TENM2: variants seen among roughly 807,000 people sequenced by gnomAD.
TENM2 encodes teneurin transmembrane protein 2, also known as teneurin-2.
In TENM2, 52 loss-of-function variants were observed where a neutral mutation model predicts 245.2. The observed-to-expected ratio is 0.21, with a 90% CI of 0.17 to 0.27. The LOEUF (loss-of-function observed/expected upper bound fraction) is 0.27. TENM2 is among the 10% of genes least tolerant of loss of function. The probability of loss-of-function intolerance (pLI) is 1.00; values close to 1 mark genes in which losing one functional copy is unlikely to be tolerated. For missense variants in TENM2, 3,046 were observed against 3,666.8 expected (o/e 0.83, Z 4.37); for synonymous variants, 1,363 against 1,438.9 (o/e 0.95, Z 1.19).
exon 16 of TENM2, chr5:168,198,899 G>C (rs1761695246): frequency 6.2e-7 from 1 of 1,613,898 alleles, no homozygotes; most frequent in Non-Finnish European, 8.5e-7. Context: ...TCTACACTTT[G>C]AGCGAGCCCC....
intron 2 of TENM2, among the ~76,000 whole-genome samples, chr5:167,394,284 C>T (rs1162232536): frequency 6.6e-6 from 1 of 152,112 alleles, no homozygotes; most frequent in Non-Finnish European, 1.5e-5. Context: ...AATCATTTCA[C>T]ATTTATTTTT....
chr5:167,441,129 C>T (rs539657068), intron 2 of TENM2, among the ~76,000 whole-genome samples: 2 of 152,326 alleles, frequency 1.3e-5, no homozygotes, highest in East Asian at 3.9e-4. Context: ...CTTTCTAGGA[C>T]TGCTCTCATT....
chr5:167,667,051 A>G (rs1755624683), intron 2 of TENM2, among the ~76,000 whole-genome samples: 1 of 152,226 alleles, frequency 6.6e-6, no homozygotes. Flanking sequence ...CTCAAATATG[A>G]TGAACTTTTA....
chr5:167,869,597 T>C (rs1772634199), intron 2 of TENM2, among the ~76,000 whole-genome samples: 1 of 152,128 alleles, frequency 6.6e-6, no homozygotes, highest in Admixed American at 6.5e-5. Context: ...GTGAATGCGA[T>C]GAGATGGAGA....
At chr5:167,297,195 C>G (rs1318211777) in intron 1 of TENM2, among the ~76,000 whole-genome samples, 1 of 152,248 alleles carries the variant, frequency 6.6e-6, no homozygotes, top group African/African-American at 2.4e-5. Flanking sequence ...TAGAATCTCA[C>G]TTTTCACTCA....
chr5:167,768,398 T>A (rs1325524278), intron 2 of TENM2, among the ~76,000 whole-genome samples: 1 of 152,174 alleles, frequency 6.6e-6, no homozygotes, highest in Non-Finnish European at 1.5e-5. Flanking sequence ...CCTTGGAATT[T>A]AAAAAAATAA....
intron 2 of TENM2, among the ~76,000 whole-genome samples, chr5:167,410,281 C>T (rs960547256): frequency 1.3e-5 from 2 of 152,006 alleles, no homozygotes; most frequent in East Asian, 3.9e-4. Flanking sequence ...GATGGCCTAT[C>T]TTTATGAAGG....
At chr5:167,096,590 AT>A in the TENM2 span, among the ~76,000 whole-genome samples, 2 of 152,204 alleles carry the variant, frequency 1.3e-5, no homozygotes, top group Non-Finnish European at 2.9e-5. Context: ...GACCAGCCTC[AT>A]TTCAAATCCT....
At chr5:167,427,670 G>C (rs1342993202) in intron 2 of TENM2, among the ~76,000 whole-genome samples, 1 of 86,702 alleles carries the variant, frequency 1.2e-5, no homozygotes, top group Admixed American at 1.2e-4. Context: ...GGAAGGAAGG[G>C]AAGGAAGGAA....
At chr5:167,173,054 A>G in the TENM2 span, among the ~76,000 whole-genome samples, 1 of 152,164 alleles carries the variant, frequency 6.6e-6, no homozygotes, top group Non-Finnish European at 1.5e-5. Context: ...TATACATGTG[A>G]ACTGTCTGAA....
intron 11 of TENM2, 41 bp downstream of exon 13, chr5:168,125,091 T>G: frequency 6.5e-7 from 1 of 1,528,158 alleles, no homozygotes. Context: ...CCAACACTCC[T>G]GCCCTGTGTT....
chr5:167,644,928 C>G (rs1413072216), intron 2 of TENM2, among the ~76,000 whole-genome samples: 2 of 152,138 alleles, frequency 1.3e-5, no homozygotes, highest in Non-Finnish European at 2.9e-5. Context: ...ATGTATCCAG[C>G]TGGTATAGCC....
At chr5:167,218,486 T>C in the TENM2 span, among the ~76,000 whole-genome samples, 35 of 152,196 alleles carry the variant, frequency 2.3e-4, 1 homozygote, top group Non-Finnish European at 4.4e-4. Context: ...TAACATGCTA[T>C]CTTGTGAGGG....
chr5:167,134,716 T>C, the TENM2 span, among the ~76,000 whole-genome samples: 1 of 152,358 alleles, frequency 6.6e-6, no homozygotes, highest in East Asian at 1.9e-4. Context: ...AACACAGTTC[T>C]CGTTGGACAG....
At chr5:167,311,971 AT>A (rs1756059185) in intron 1 of TENM2, among the ~76,000 whole-genome samples, 1 of 152,272 alleles carries the variant, frequency 6.6e-6, no homozygotes, top group Non-Finnish European at 1.5e-5. Context: ...TTAAGGGGGA[AT>A]TTTTTAAGGT....
At chr5:168,007,430 G>C (rs766855818) in intron 5 of TENM2, among the ~76,000 whole-genome samples, 8 of 152,146 alleles carry the variant, frequency 5.3e-5, no homozygotes, top group Non-Finnish European at 8.8e-5. Flanking sequence ...CACCCAGCCA[G>C]GCTTTCCTTC....
intron 2 of TENM2, among the ~76,000 whole-genome samples, chr5:167,698,667 GTTTTGTTTTTTGTTTT>G (rs1460549863): frequency 1.1e-4 from 13 of 118,670 alleles, no homozygotes; most frequent in African/African-American, 3.6e-4. Flanking sequence ...TGTGTGTTTT[GTTTTGTTTTTTGTTTT>G]TTTTTTTTTT....
chr5:167,360,385 C>G (rs1445455430), intron 1 of TENM2, among the ~76,000 whole-genome samples: 1 of 152,044 alleles, frequency 6.6e-6, no homozygotes, highest in East Asian at 1.9e-4. Flanking sequence ...TTAGTAAGCA[C>G]CAATAATATT....
chr5:167,324,432 A>AT (rs984658873), intron 1 of TENM2, among the ~76,000 whole-genome samples: 1 of 152,012 alleles, frequency 6.6e-6, no homozygotes, highest in Non-Finnish European at 1.5e-5. Context: ...TGGATAGGTA[A>AT]TTTTTTTTCA....
Sources: allele counts gnomAD v4.1 joint callset (sites outside exome capture counted in the v4.1 genomes callset), GRCh38; gene constraint gnomAD v4.1.1; transcripts MANE v1.5; gene names NCBI Gene and HGNC (gene_info 2026-07-23, HGNC 2026-07-21).